CPT1B: variants seen among roughly 807,000 people sequenced by gnomAD.
CPT1B encodes the protein carnitine O-palmitoyltransferase 1, muscle isoform.
In CPT1B, 57 loss-of-function variants were observed where a neutral mutation model predicts 92.7. That is an observed-to-expected ratio of 0.62 (90% confidence interval 0.50 to 0.77). CPT1B has a LOEUF of 0.77. Among genes scored for constraint, CPT1B ranks in the 30% least tolerant of loss-of-function variants. The pLI is 0.00. For missense variants in CPT1B, 983 were observed against 1,017.4 expected, an observed-to-expected ratio of 0.97 and a Z score of 0.46; for synonymous variants, 398 against 383.5, an observed-to-expected ratio of 1.04 and a Z score of -0.44.
intron 19 of CPT1B, 124 bp from the exon 20 acceptor site, chr22:50,569,205 G>A (rs913036029): frequency 1.9e-5 from 15 of 810,796 alleles, no homozygotes; most frequent in Non-Finnish European, 2.8e-5. Context: ...CATCTGCCCA[G>A]CGAGGACCTG....
chr22:50,573,704 G>A lies in CPT1B; in HGVS notation c.982C>T (p.His328Tyr). Residue 328 changes from histidine to tyrosine, a missense_variant, in exon 10 of 20, where the codon CAC becomes TAC. By Grantham distance (83) the His-to-Tyr change is moderately conservative. Coordinates refer to ENST00000312108, the MANE Select transcript of CPT1B (RefSeq NM_152246.3). The surrounding 1 kb of genome is among the most constrained non-coding windows in gnomAD (Gnocchi z 5.0). ...IPGKDTDVLQ[H>Y]LSDSRHVAVY... ...GCCACGTGCCGGCTGTCTGAGAGGT[G>A]CTGTAGCACATCTGTGATACAGGCC... 1 of 1,612,418 alleles carries A rather than the reference G, an allele frequency of 6.2e-7. No homozygotes were observed. The highest frequency in any genetic ancestry group is 8.5e-7 in the Non-Finnish European group (1 of 1,179,678).
Position 50,573,731 on chromosome 22 carries a change from C to A in CPT1B, c.971-16G>T, listed in dbSNP as rs749880818. 1.9e-6 allele frequency: 3 copies of A among 1,607,228 alleles called. No individual in the cohort carries two copies. The highest frequency in any genetic ancestry group is 3.4e-5 in the Admixed American group (2 of 59,488). On this transcript the variant is annotated splice_polypyrimidine_tract_variant and intron_variant, in intron 9 of 19. Coordinates refer to ENST00000312108, the MANE Select transcript of CPT1B (RefSeq NM_152246.3). This position sits in a 1 kb window ranked among gnomAD's most constrained non-coding sequence, Gnocchi z 5.0. ...TGTAGCACATCTGTGATACAGGCCA[C>A]GGGCAAGCTGAGGCGGGGCCCCCAG...
At chr22:50,575,615 C>A (rs1196854109) in intron 7 of CPT1B, among the ~76,000 whole-genome samples, 3 of 152,214 alleles carry the variant, frequency 2.0e-5, no homozygotes, top group Non-Finnish European at 4.4e-5. Context: ...AAGCAGCAGC[C>A]TGGCCTCCAT....
At chr22:50,577,692 G>A (rs1344489873) in intron 2 of CPT1B, 83 bp downstream of exon 2, 3 of 1,561,690 alleles carry the variant, frequency 1.9e-6, no homozygotes, top group South Asian at 2.3e-5. Flanking sequence ...GCCAGCCAAG[G>A]AGGCAGTGAG....
In CPT1B at chr22:50,574,410, G is replaced by C; in HGVS notation, c.895C>G (p.Leu299Val). The change falls in exon 9 of 20, where the codon CTG (leucine) becomes GTG (valine). Residue 299 changes from leucine (L) to valine (V), a missense_variant. Leu to Val is a conservative substitution (Grantham distance 32). Transcript: ENST00000312108. Reference sequence around the variant, plus strand: ...TAGGAGCACATAGGCACTATGCCCAGTGCCATCACCTGAGGGAAGGCCCAG... The same window carrying C: ...TAGGAGCACATAGGCACTATGCCCACTGCCATCACCTGAGGGAAGGCCCAG... The part of the protein sequence containing the change: ...DREEIKPVMA[L>V]GIVPMCSYQM... 6.2e-7 allele frequency: 1 copy of C among 1,614,104 alleles called. No individual in the cohort carries two copies. The highest frequency in any genetic ancestry group is 8.5e-7 in the Non-Finnish European group (1 of 1,180,010).
Position 50,571,183 on chromosome 22 carries a change from T to C in CPT1B, c.1850A>G (p.Gln617Arg), listed in dbSNP as rs1015594627. The change falls in exon 15 of 20, where the codon CAG becomes CGG. Residue 617 changes from glutamine (Q) to arginine (R), a missense_variant. By Grantham distance (43) the Gln-to-Arg change is conservative. Transcript: ENST00000312108. Reference sequence around the variant, plus strand: ...TGTGTGGGACCCCTCCATCATGGCCTGCACAAAGGCTGTGGACTCGCTGGT... The same window carrying C: ...TGTGTGGGACCCCTCCATCATGGCCCGCACAAAGGCTGTGGACTCGCTGGT... ...SCTSESTAFVQAMMEGSHTKA... is the reference protein window; with the variant it reads ...SCTSESTAFVRAMMEGSHTKA... 2 of 1,614,044 alleles carry C rather than the reference T, an allele frequency of 1.2e-6. No homozygotes were observed. Among genetic ancestry groups the C allele is most frequent in the African/African-American group, 2.7e-5 (2 of 74,946 alleles).
At chr22:50,571,930 A>G in intron 13 of CPT1B, 76 bp downstream of exon 13, 2 of 1,327,088 alleles carry the variant, frequency 1.5e-6, no homozygotes, top group South Asian at 1.2e-5. Context: ...GGGGAGGAGG[A>G]GGCTCAGGCC....
chr22:50,574,664 C>T, intron 7 of CPT1B, 64 bp from the exon 8 acceptor site: 1 of 1,324,268 alleles, frequency 7.6e-7, no homozygotes, highest in South Asian at 1.2e-5. Context: ...GTCTTGCTGA[C>T]CCAAGGACCA....
rs2070161298 is a variant in CPT1B at position 50,571,358 on chromosome 22, G to C, written c.1740+17C>G. The stretch of plus-strand genomic sequence containing the variant: ...GTACCACCCTGCCCTCTCAGCAGCG[G>C]GAGGCGGGGCTCCTACCCGGAAGTG... On this transcript the variant is annotated intron_variant, in intron 14 of 19. Transcript: ENST00000312108. 3 of 1,613,670 alleles carry C rather than the reference G, an allele frequency of 1.9e-6. No homozygotes were observed. Among genetic ancestry groups the C allele is most frequent in the Admixed American group, 1.7e-5 (1 of 60,008 alleles).
At position 50,572,007 on chromosome 22, in the gene CPT1B, T is replaced by A. The variant is rs776931426; in HGVS notation, c.1574A>T (p.Gln525Leu). 1 of 1,613,590 alleles carries A rather than the reference T, an allele frequency of 6.2e-7. No homozygotes were observed. The highest frequency in any genetic ancestry group is 1.7e-5 in the Admixed American group (1 of 59,996). The change falls in exon 13 of 20, where the codon CAG becomes CTG. Residue 525 changes from glutamine (Q) to leucine (L), a missense_variant and splice_region_variant. Physicochemically the swap from Gln to Leu is moderately radical, Grantham distance 113. Coordinates refer to ENST00000312108, the MANE Select transcript of CPT1B (RefSeq NM_152246.3). ...PTRLQWDIPK[Q>L]CQAVIESSYQ... Reference sequence around the variant, plus strand: ...CTGCTCTGGGAGCTTCCAACCCACCTGTTTTGGAATGTCCCACTGCAGCCG... The same window carrying A: ...CTGCTCTGGGAGCTTCCAACCCACCAGTTTTGGAATGTCCCACTGCAGCCG...
chr22:50,574,272 G>A, intron 9 of CPT1B, 63 bp downstream of exon 9: 1 of 1,330,770 alleles, frequency 7.5e-7, no homozygotes, highest in South Asian at 1.2e-5. Flanking sequence ...TTGGTGATGA[G>A]CAGGCAGGAG....
intron 5 of CPT1B, 64 bp downstream of exon 5, chr22:50,576,472 A>G: frequency 6.3e-7 from 1 of 1,597,230 alleles, no homozygotes; most frequent in Non-Finnish European, 8.6e-7. Flanking sequence ...AGAACCTTAT[A>G]TTTGGAAACA....
rs571663487 is a variant in CPT1B, at chr22:50,570,258, G to C, written c.2142+35C>G. The C allele has an allele frequency of 4.1e-5, 60 of 1,472,780 alleles. 1 individual carries two copies. In the South Asian group the frequency reaches 6.7e-4, roughly 16 times the overall value. The allele number at this position is 1,472,780 out of a possible 1,614,324, so 91.2% of individuals were successfully genotyped here. ...TCGCCACTGAAACCCTCAGGGCCCT[G>C]GTGCTGCCCACCCACCCCCTTCAGG... is the stretch of plus-strand genomic sequence containing the variant. On this transcript the variant is annotated intron_variant, in intron 17 of 19. Transcript: ENST00000312108.
chr22:50,576,933 AG>A lies in CPT1B; in HGVS notation c.382del (p.Leu128Ter), dbSNP rs745779921. On this transcript the variant is annotated frameshift_variant, in exon 4 of 20. Coordinates refer to ENST00000312108, the MANE Select transcript of CPT1B (RefSeq NM_152246.3). LOFTEE classifies it high-confidence loss of function. Reference protein sequence around the residue: ...VTGIFFFRQTLKLLLCYHGWM... With the variant: ...VTGIFFFRQTXKLLLCYHGWM... ...CCCATGGTAGCAGAGAAGCAGCTTC[AG>A]GGTTTGGCGGAAGAAGAAGATGCCC... 6.2e-7 allele frequency: 1 copy of A among 1,614,120 alleles called. No individual in the cohort carries two copies. The highest frequency in any genetic ancestry group is 8.5e-7 in the Non-Finnish European group (1 of 1,180,032).
intron 7 of CPT1B, 136 bp downstream of exon 7, chr22:50,575,899 C>T (rs1350130351): frequency 4.0e-6 from 3 of 753,916 alleles, no homozygotes; most frequent in African/African-American, 3.5e-5. Context: ...TCTTCCCTTT[C>T]CCTCAGGCCT....
At chr22:50,574,051 G>A in intron 9 of CPT1B, 1 of 678,134 alleles carries the variant, frequency 1.5e-6, no homozygotes, top group Non-Finnish European at 2.7e-6. Context: ...CCCCTCCTCT[G>A]CCGGCTCCAT....
At position 50,574,541 on chromosome 22, in the gene CPT1B, G is replaced by A. The variant is rs1405541634; in HGVS notation, c.837C>T (p.His279=). ...GTTTACGGCGATACATGATCATGGC[G>A]TGGATGATGTTTCCCAGGCGGGCTG... is the stretch of plus-strand genomic sequence containing the variant. ...VQAARLGNII[H]AMIMYRRKLD... Residue 279 remains histidine, a synonymous_variant, in exon 8 of 20, where the codon CAC becomes CAT. Coordinates refer to ENST00000312108, the MANE Select transcript of CPT1B (RefSeq NM_152246.3). 5.6e-6 allele frequency: 9 copies of A among 1,614,044 alleles called. No individual in the cohort carries two copies. Among genetic ancestry groups the A allele is most frequent in the African/African-American group, 1.3e-5 (1 of 74,928 alleles).
At chr22:50,569,510 C>G in intron 18 of CPT1B, 66 bp downstream of exon 18, 1 of 1,605,312 alleles carries the variant, frequency 6.2e-7, no homozygotes. Flanking sequence ...GCCAAAGACA[C>G]CTGTGTTCCT....
Position 50,570,985 on chromosome 22 carries a change from C to T in CPT1B, c.1934G>A (p.Arg645His), listed in dbSNP as rs767195024. 6.2e-6 allele frequency: 10 copies of T among 1,613,904 alleles called. No individual in the cohort carries two copies. The highest frequency in any genetic ancestry group is 2.2e-5 in the East Asian group (1 of 44,896). ...GATCCCTGCCCCGGTCATGGCCAGG[C>T]GGTACATATTCTGGTGCTTCTTAGC... is the stretch of plus-strand genomic sequence containing the variant. ...KAAKKHQNMY[R>H]LAMTGAGIDR... The change falls in exon 16 of 20, where the codon CGC becomes CAC. Residue 645 changes from arginine (R) to histidine (H), a missense_variant. Arg to His is a conservative substitution (Grantham distance 29). Transcript: ENST00000312108.
Sources: allele counts gnomAD v4.1 joint callset (sites outside exome capture counted in the v4.1 genomes callset), GRCh38; gene constraint gnomAD v4.1.1; non-coding constraint Gnocchi (gnomAD v3.1); transcripts MANE v1.5; gene names NCBI Gene and HGNC (gene_info 2026-07-23, HGNC 2026-07-21).